ST8SIA5: variants seen among roughly 807,000 people sequenced by gnomAD.
ST8SIA5 encodes ST8 alpha-N-acetyl-neuraminide alpha-2,8-sialyltransferase 5.
Under a neutral mutation model 40.2 loss-of-function variants are expected in ST8SIA5, and 24 were observed. That is an observed-to-expected ratio of 0.60 (90% CI 0.43 to 0.84). The LOEUF (loss-of-function observed/expected upper bound fraction) is 0.84, where lower values mean the gene tolerates loss of function less well. Ranked by LOEUF, ST8SIA5 falls within the 40% of genes least tolerant of loss-of-function variation. The pLI is 0.00. For missense variants in ST8SIA5, 465 were observed against 498.5 expected (o/e 0.93, Z 0.64); for synonymous variants, 198 against 201.8 (o/e 0.98, Z 0.16).
intron 1 of ST8SIA5, among the ~76,000 whole-genome samples, chr18:46,736,802 A>T (rs1157331606): frequency 6.6e-6 from 1 of 150,716 alleles, no homozygotes; most frequent in Non-Finnish European, 1.5e-5. Context: ...CTCCCAGGAC[A>T]CCCCCCGCTG....
At chr18:46,742,025 C>G (rs1167176729) in intron 1 of ST8SIA5, among the ~76,000 whole-genome samples, 3 of 152,000 alleles carry the variant, frequency 2.0e-5, no homozygotes, top group Middle Eastern at 6.8e-3. Flanking sequence ...TCACTTGAAC[C>G]CAGGAGGTGG....
At chr18:46,755,428 A>G (rs1278248858) in intron 1 of ST8SIA5, among the ~76,000 whole-genome samples, 1 of 152,168 alleles carries the variant, frequency 6.6e-6, no homozygotes, top group Non-Finnish European at 1.5e-5. Context: ...GCAAACTAAA[A>G]AACAGCCCAG....
intron 3 of ST8SIA5, among the ~76,000 whole-genome samples, chr18:46,689,305 C>G (rs188478915): frequency 6.6e-6 from 1 of 152,162 alleles, no homozygotes; most frequent in Non-Finnish European, 1.5e-5. Flanking sequence ...AACTCCTCGA[C>G]GGAGCCTGAG....
chr18:46,725,972 A>AAAAAAATAT lies in ST8SIA5; in HGVS notation c.132-21309_132-21308insATATTTTTT, dbSNP rs59660372. Among the ~76,000 whole-genome samples the AAAAAAATAT allele has an allele frequency of 2.3e-3, 67 of 29,042 alleles. 3 individuals carry two copies. Among genetic ancestry groups the AAAAAAATAT allele is most frequent in the Non-Finnish European group, 3.2e-3 (54 of 16,736 alleles). 19.1% of individuals were successfully genotyped at this position (29,042 alleles called of 152,430 possible). On this transcript the variant is annotated intron_variant, in intron 1 of 6. Coordinates refer to ENST00000315087, the MANE Select transcript of ST8SIA5 (RefSeq NM_013305.6). ...CCCATCTCTACTTAAAAAAAAAAAA[A>AAAAAAATAT]ATATATATATATATATATATATATA...
intron 1 of ST8SIA5, among the ~76,000 whole-genome samples, chr18:46,749,258 T>C (rs2040172647): frequency 1.3e-5 from 2 of 152,214 alleles, no homozygotes; most frequent in Admixed American, 1.3e-4. Context: ...AGGATTTCTT[T>C]TGCAGAGTAA....
chr18:46,742,074 C>T (rs1013982448), intron 1 of ST8SIA5, among the ~76,000 whole-genome samples: 2 of 151,716 alleles, frequency 1.3e-5, no homozygotes, highest in African/African-American at 2.4e-5. Context: ...TGCATCCAGC[C>T]TGGGTGCCAG....
chr18:46,753,319 T>A (rs1047619635), intron 1 of ST8SIA5, among the ~76,000 whole-genome samples: 1 of 152,124 alleles, frequency 6.6e-6, no homozygotes, highest in African/African-American at 2.4e-5. Flanking sequence ...ATGCCTGTAA[T>A]CCCAGCACTT....
intron 1 of ST8SIA5, among the ~76,000 whole-genome samples, chr18:46,718,349 A>G (rs907415976): frequency 7.9e-5 from 12 of 152,082 alleles, no homozygotes; most frequent in African/African-American, 2.9e-4. Flanking sequence ...AAAAAAAGAA[A>G]AAAAATTATT....
chr18:46,730,978 T>C (rs147851804), intron 1 of ST8SIA5, among the ~76,000 whole-genome samples: 2 of 152,222 alleles, frequency 1.3e-5, no homozygotes, highest in East Asian at 1.9e-4. Flanking sequence ...AACAACACCC[T>C]GCGTCTAAAA....
Position 46,676,047 on chromosome 18 carries a change from C to T in ST8SIA5, c.*3995G>A, listed in dbSNP as rs2039337263. 1 of 152,114 alleles carries T rather than the reference C, an allele frequency of 6.6e-6. No individual in the cohort carries two copies. The highest frequency in any genetic ancestry group is 2.4e-5 in the African/African-American group (1 of 41,374). The allele number at this position is 152,114 out of a possible 1,614,324, so 9.4% of individuals were successfully genotyped here. A position where few individuals can be genotyped will look rare whatever the true frequency, so the allele number is the denominator to read the frequency against. The stretch of plus-strand genomic sequence containing the variant: ...CTCTAGCCTGGGTGACAGAGGGAGA[C>T]TCTGTCTCAAACAAACAAACAAAAA... On this transcript the variant is annotated 3_prime_UTR_variant, in exon 7 of 7. Coordinates refer to ENST00000315087, the MANE Select transcript of ST8SIA5 (RefSeq NM_013305.6).
intron 1 of ST8SIA5, among the ~76,000 whole-genome samples, chr18:46,748,401 T>C (rs986242288): frequency 6.6e-6 from 1 of 151,302 alleles, no homozygotes; most frequent in Non-Finnish European, 1.5e-5. Flanking sequence ...CTGTCTCTAA[T>C]AAAAATACAA....
At chr18:46,696,934 A>G (rs532023612) in intron 2 of ST8SIA5, among the ~76,000 whole-genome samples, 5 of 152,264 alleles carry the variant, frequency 3.3e-5, no homozygotes, top group African/African-American at 9.6e-5. Flanking sequence ...CAATCTGCAC[A>G]TGGAAAATTC....
chr18:46,742,114 T>A (rs1466503733), intron 1 of ST8SIA5, among the ~76,000 whole-genome samples: 7 of 150,618 alleles, frequency 4.6e-5, no homozygotes, highest in African/African-American at 7.3e-5. Context: ...AATAAATAAA[T>A]AAATAAATAT....
At chr18:46,719,048 A>G (rs2039824158) in intron 1 of ST8SIA5, among the ~76,000 whole-genome samples, 1 of 152,200 alleles carries the variant, frequency 6.6e-6, no homozygotes, top group Admixed American at 6.5e-5. Flanking sequence ...GCAGTCCTTC[A>G]ACTAGGGGGG....
rs2039333064 is a variant in ST8SIA5, at chr18:46,675,352, C to T, written c.*4690G>A. ...CCTGTCCTCATTTCAGATGATGAGT[C>T]CAGAGCCTCCAGGGGCTTCTGGAGC... On this transcript the variant is annotated 3_prime_UTR_variant, in exon 7 of 7. Coordinates refer to ENST00000315087, the MANE Select transcript of ST8SIA5 (RefSeq NM_013305.6). The T allele has an allele frequency of 6.6e-6, 1 of 152,164 alleles. No individual in the cohort carries two copies. The highest frequency in any genetic ancestry group is 1.5e-5 in the Non-Finnish European group (1 of 68,054). The allele number at this position is 152,164 out of a possible 1,614,324, so 9.4% of individuals were successfully genotyped here.
At chr18:46,747,095 TA>T (rs1411907213) in intron 1 of ST8SIA5, among the ~76,000 whole-genome samples, 1 of 152,180 alleles carries the variant, frequency 6.6e-6, no homozygotes, top group East Asian at 1.9e-4. Flanking sequence ...ACTTAAATGT[TA>T]GACCTAAAAC....
In ST8SIA5 at chr18:46,730,059, A is replaced by G. The variant is rs560492416; in HGVS notation, c.132-25395T>C. ...GGCAGAAGTGCCAGTTTGATGAGGG[A>G]GAAGGTTCTGGATAAGAAGGTGTTA... On this transcript the variant is annotated intron_variant, in intron 1 of 6. Coordinates refer to ENST00000315087, the MANE Select transcript of ST8SIA5 (RefSeq NM_013305.6). 212 of 589,848 alleles carry G rather than the reference A, an allele frequency of 3.6e-4. 1 individual carries two copies. Among genetic ancestry groups the G allele is most frequent in the African/African-American group, 2.9e-3 (142 of 49,600 alleles). 36.5% of individuals were successfully genotyped at this position (589,848 alleles called of 1,614,324 possible).
rs2039331105 is a variant in ST8SIA5 at position 46,674,963 on chromosome 18, A to C, written c.*5079T>G. The C allele has an allele frequency of 1.3e-5, 2 of 152,362 alleles. No individual in the cohort carries two copies. Among genetic ancestry groups the C allele is most frequent in the East Asian group, 3.9e-4 (2 of 5,186 alleles). 9.4% of individuals were successfully genotyped at this position (152,362 alleles called of 1,614,324 possible). On this transcript the variant is annotated 3_prime_UTR_variant, in exon 7 of 7. Coordinates refer to ENST00000315087, the MANE Select transcript of ST8SIA5 (RefSeq NM_013305.6). Reference sequence around the variant, plus strand: ...GAAGGTGAGTAAGCCAGCTTGGGACATTCCCTGCATGACTTGGTAAAGAAC... The same window carrying C: ...GAAGGTGAGTAAGCCAGCTTGGGACCTTCCCTGCATGACTTGGTAAAGAAC...
chr18:46,739,936 C>A, intron 1 of ST8SIA5, among the ~76,000 whole-genome samples: 1 of 152,184 alleles, frequency 6.6e-6, no homozygotes, highest in East Asian at 1.9e-4. Flanking sequence ...AGCTCCAGGG[C>A]TGCCTATGGG....
Sources: gnomAD v4.1 joint callset for allele counts (sites outside exome capture counted in the v4.1 genomes callset) on GRCh38, gnomAD v4.1.1 for gene constraint, MANE v1.5 for transcripts, NCBI Gene and HGNC (gene_info 2026-07-23, HGNC 2026-07-21) for gene names.